The following FGF10 variants were observed in gnomAD, a reference collection of about 807,000 sequenced individuals.
FGF10 encodes FGF-10.
A neutral mutation model predicts 19.8 loss-of-function variants in FGF10; 2 were observed. The observed-to-expected ratio is 0.10, with a 90% CI of 0.04 to 0.32. The LOEUF is 0.32. Among genes scored for constraint, FGF10 ranks in the 10% least tolerant of loss-of-function variants. FGF10 has a pLI of 1.00. For missense variants in FGF10, 191 were observed against 246.3 expected (o/e 0.78, Z 1.50); for synonymous variants, 112 against 94.0 (o/e 1.19, Z -1.10).
At chr5:44,350,325 A>G (rs551512265) in intron 1 of FGF10, among the ~76,000 whole-genome samples, 10 of 151,064 alleles carry the variant, frequency 6.6e-5, no homozygotes, top group African/African-American at 2.4e-4. Context: ...AACCCAGGAT[A>G]AAATGTACTG....
chr5:44,343,132 A>T (rs916290298), intron 1 of FGF10, among the ~76,000 whole-genome samples: 6 of 152,018 alleles, frequency 3.9e-5, no homozygotes, highest in African/African-American at 1.2e-4. Context: ...ATAATTTTTC[A>T]TTTAAAAGCT....
chr5:44,386,598 T>C (rs1742103044), intron 1 of FGF10, among the ~76,000 whole-genome samples: 1 of 152,324 alleles, frequency 6.6e-6, no homozygotes, highest in South Asian at 2.1e-4. Context: ...ACATAGGATC[T>C]AATGAATTCG....
intron 1 of FGF10, among the ~76,000 whole-genome samples, chr5:44,312,059 A>G (rs1474417159): frequency 6.6e-6 from 1 of 152,040 alleles, no homozygotes; most frequent in African/African-American, 2.4e-5. Context: ...GACCTAACAC[A>G]GCACTCCTTT....
At chr5:44,343,357 C>T (rs1038514173) in intron 1 of FGF10, among the ~76,000 whole-genome samples, 3 of 151,892 alleles carry the variant, frequency 2.0e-5, no homozygotes, top group Admixed American at 1.3e-4. Context: ...ATAGGAAATA[C>T]GACTGAAGAT....
At chr5:44,363,943 TAAAC>T (rs1196919920) in intron 1 of FGF10, among the ~76,000 whole-genome samples, 27 of 151,894 alleles carry the variant, frequency 1.8e-4, no homozygotes, top group South Asian at 1.0e-3. Flanking sequence ...CACCTGGTAA[TAAAC>T]AAGACTTCCT....
chr5:44,338,482 T>A (rs1405320043), intron 1 of FGF10, among the ~76,000 whole-genome samples: 3 of 152,176 alleles, frequency 2.0e-5, no homozygotes, highest in East Asian at 3.9e-4. Flanking sequence ...TTAGAGGAGA[T>A]AAATGCCATA....
At chr5:44,364,469 A>C (rs1741561769) in intron 1 of FGF10, among the ~76,000 whole-genome samples, 1 of 151,850 alleles carries the variant, frequency 6.6e-6, no homozygotes, top group Non-Finnish European at 1.5e-5. Flanking sequence ...TGTTACTGGC[A>C]TTCAGTAGGT....
chr5:44,386,667 C>T (rs1295258670), intron 1 of FGF10, among the ~76,000 whole-genome samples: 2 of 152,250 alleles, frequency 1.3e-5, no homozygotes, highest in East Asian at 3.9e-4. Flanking sequence ...ATTTCAGCTA[C>T]TTTCTTTGAA....
chr5:44,315,099 T>C (rs1404638896), intron 1 of FGF10, among the ~76,000 whole-genome samples: 1 of 149,094 alleles, frequency 6.7e-6, no homozygotes, highest in Non-Finnish European at 1.5e-5. Context: ...TTCTGAAGGT[T>C]ACAAAGGCAA....
chr5:44,330,568 G>A (rs1740709655), intron 1 of FGF10, among the ~76,000 whole-genome samples: 1 of 152,152 alleles, frequency 6.6e-6, no homozygotes, highest in Non-Finnish European at 1.5e-5. Context: ...GGCAATAATT[G>A]AGAGCTATTC....
rs1740334859 is a variant in FGF10 at position 44,315,868 on chromosome 5, G to C, written c.326-5338C>G. Among the ~76,000 whole-genome samples, 5 of 152,064 alleles carry C rather than the reference G, an allele frequency of 3.3e-5. No individual in the cohort carries two copies. In the South Asian group the frequency reaches 1.0e-3, roughly 32 times the overall value. ...CCATACCATAGTGTGAGTCTAAATG[G>C]CTCTAAATGTGGTTTTACCTCTCTT... On this transcript the variant is annotated intron_variant, in intron 1 of 2. Coordinates refer to ENST00000264664, the MANE Select transcript of FGF10 (RefSeq NM_004465.2).
intron 1 of FGF10, among the ~76,000 whole-genome samples, chr5:44,375,168 C>G (rs10805683): frequency 0.23 from 35,112 of 151,970 alleles, 4,224 homozygotes; most frequent in Admixed American, 0.32. Flanking sequence ...TTATTATATG[C>G]CAAATACTAT....
intron 1 of FGF10, among the ~76,000 whole-genome samples, chr5:44,328,042 A>G (rs1221029792): frequency 6.6e-6 from 1 of 151,896 alleles, no homozygotes; most frequent in African/African-American, 2.4e-5. Flanking sequence ...TTCATACTAT[A>G]CTCTTAAATG....
intron 1 of FGF10, among the ~76,000 whole-genome samples, chr5:44,338,486 T>C (rs1418100097): frequency 2.0e-5 from 3 of 152,148 alleles, no homozygotes; most frequent in African/African-American, 4.8e-5. Flanking sequence ...AGGAGATAAA[T>C]GCCATATCTA....
intron 1 of FGF10, among the ~76,000 whole-genome samples, chr5:44,366,143 T>TC (rs1419685626): frequency 6.1e-5 from 9 of 146,770 alleles, no homozygotes; most frequent in African/African-American, 2.2e-4. Context: ...TTTTTTTTTT[T>TC]TTTTTTTTGC....
chr5:44,387,900 A>T (rs1742139587), intron 1 of FGF10, among the ~76,000 whole-genome samples: 1 of 152,152 alleles, frequency 6.6e-6, no homozygotes. Flanking sequence ...GACAGCGGAT[A>T]ATTATTTTCA....
At chr5:44,355,833 A>T (rs1741335037) in intron 1 of FGF10, among the ~76,000 whole-genome samples, 1 of 151,424 alleles carries the variant, frequency 6.6e-6, no homozygotes, top group African/African-American at 2.4e-5. Flanking sequence ...ATAAATTCAG[A>T]TAAATTATCC....
At chr5:44,329,083 A>T (rs914169772) in intron 1 of FGF10, among the ~76,000 whole-genome samples, 3 of 152,194 alleles carry the variant, frequency 2.0e-5, no homozygotes, top group Admixed American at 1.3e-4. Flanking sequence ...TAGTTGACGT[A>T]TTTGAAGAAT....
intron 1 of FGF10, among the ~76,000 whole-genome samples, chr5:44,349,473 A>ATATATAT (rs1561210430): frequency 8.6e-5 from 2 of 23,216 alleles, no homozygotes; most frequent in Non-Finnish European, 1.6e-4. Flanking sequence ...TATATATCAG[A>ATATATAT]ATATATATAT....
Sources: gnomAD v4.1 joint callset for allele counts (sites outside exome capture counted in the v4.1 genomes callset) on GRCh38, gnomAD v4.1.1 for gene constraint, MANE v1.5 for transcripts, NCBI Gene and HGNC (gene_info 2026-07-23, HGNC 2026-07-21) for gene names.